Variants in USP32 observed in about 807,000 individuals in gnomAD.
USP32 encodes the protein ubiquitin carboxyl-terminal hydrolase 32.
Under a neutral mutation model 204.8 loss-of-function variants are expected in USP32, and 59 were observed. That is an observed-to-expected ratio of 0.29 (90% CI 0.23 to 0.36). The LOEUF (loss-of-function observed/expected upper bound fraction) is 0.36. Ranked by LOEUF, USP32 falls within the 10% of genes least tolerant of loss-of-function variation. The probability of loss-of-function intolerance (pLI) is 1.00; values close to 1 mark genes in which losing one functional copy is unlikely to be tolerated. For missense variants in USP32, 1,160 were observed against 1,946.4 expected, an observed-to-expected ratio of 0.60 and a Z score of 7.60; for synonymous variants, 517 against 678.4, an observed-to-expected ratio of 0.76 and a Z score of 3.70.
At chr17:60,343,817 C>T (rs904652548) in intron 2 of USP32, among the ~76,000 whole-genome samples, 2 of 152,052 alleles carry the variant, frequency 1.3e-5, no homozygotes, top group East Asian at 1.9e-4. Flanking sequence ...AGGTCACCTG[C>T]GGTCAGGAGT....
At chr17:60,228,627 G>A (rs1408266832) in intron 12 of USP32, among the ~76,000 whole-genome samples, 6 of 150,366 alleles carry the variant, frequency 4.0e-5, no homozygotes, top group African/African-American at 1.5e-4. Flanking sequence ...AGACCAGCCC[G>A]AGCAACGTGG....
chr17:60,394,766 C>T (rs755956052), upstream of USP32, among the ~76,000 whole-genome samples: 5 of 152,006 alleles, frequency 3.3e-5, no homozygotes, highest in South Asian at 4.1e-4. Context: ...TTTTTTGAGA[C>T]GGAGTCTTGC....
intron 2 of USP32, among the ~76,000 whole-genome samples, chr17:60,331,028 A>G (rs2088370252): frequency 6.6e-6 from 1 of 152,198 alleles, no homozygotes; most frequent in Non-Finnish European, 1.5e-5. Flanking sequence ...AAGTTTTGGA[A>G]GTTCTTTTGT....
At chr17:60,204,307 T>C (rs1454233702) in intron 26 of USP32, among the ~76,000 whole-genome samples, 1 of 152,072 alleles carries the variant, frequency 6.6e-6, no homozygotes, top group African/African-American at 2.4e-5. Flanking sequence ...TTTGTGTGTG[T>C]TGGTTTTTGT....
rs557035072 is a variant in USP32, at chr17:60,237,386, G to C, written c.1137-1146C>G. Among the ~76,000 whole-genome samples, 41 of 151,230 alleles carry C rather than the reference G, an allele frequency of 2.7e-4. No homozygotes were observed. The South Asian group carries it at 8.6e-3, about 32-fold the overall frequency. On this transcript the variant is annotated intron_variant, in intron 11 of 33. Transcript: ENST00000300896. ...GGTCTTGAACTCCCAAAAGTGTTGGGATTACAGACATGAGCCACTGTGCCC... is the reference window on the plus strand; with the variant it reads ...GGTCTTGAACTCCCAAAAGTGTTGGCATTACAGACATGAGCCACTGTGCCC...
chr17:60,301,665 G>A lies in USP32; in HGVS notation c.226C>T (p.His76Tyr), dbSNP rs7208980. 1.2e-4 allele frequency: 197 copies of A among 1,601,638 alleles called. No homozygotes were observed. The African/African-American group carries it at 2.4e-3, about 20-fold the overall frequency. Residue 76 changes from histidine (H) to tyrosine (Y), a missense_variant, in exon 3 of 34, where the codon CAC (histidine) becomes TAC (tyrosine). By Grantham distance (83) the His-to-Tyr change is moderately conservative. Around this residue, in one of 8 missense-constraint regions of USP32, gnomAD observed 536 missense variants for 680.9 expected, o/e 0.79. Transcript: ENST00000300896. Reference protein sequence around the residue: ...CSFGGTSKGLHFNNLIVGLVL... With the variant: ...CSFGGTSKGLYFNNLIVGLVL... Reference sequence around the variant, plus strand: ...AGTCCAACTATTAAATTATTGAAGTGCAGCCCTTTGGATGTTCCACCAAAA... The same window carrying A: ...AGTCCAACTATTAAATTATTGAAGTACAGCCCTTTGGATGTTCCACCAAAA...
rs1478301599 is a variant in USP32 at position 60,211,282 on chromosome 17, T to G, written c.2318+94A>C. ...TAAATAGGGCAAATAAGATAAAATC[T>G]TTCTCCCACAGGGTGAAAAAAGAGG... On this transcript the variant is annotated intron_variant, in intron 20 of 33. Transcript: ENST00000300896. 3 of 1,526,250 alleles carry G rather than the reference T, an allele frequency of 2.0e-6. No individual in the cohort carries two copies. In the Admixed American group the frequency reaches 6.6e-5, roughly 34 times the overall value. 94.5% of individuals were successfully genotyped at this position (1,526,250 alleles called of 1,614,324 possible).
chr17:60,291,537 A>ATGTG (rs58874239), intron 4 of USP32, among the ~76,000 whole-genome samples: 3,479 of 145,322 alleles, frequency 0.024, 42 homozygotes, highest in Non-Finnish European at 0.028. Flanking sequence ...CTGTGTGTGT[A>ATGTG]TGTGTGTGTG....
chr17:60,328,975 A>G (rs943126668), intron 2 of USP32, among the ~76,000 whole-genome samples: 4 of 152,142 alleles, frequency 2.6e-5, no homozygotes, highest in African/African-American at 9.7e-5. Flanking sequence ...GAGGCATGAG[A>G]TCCAGGCTGG....
chr17:60,196,442 T>C (rs1251982528), intron 27 of USP32, among the ~76,000 whole-genome samples: 1 of 152,220 alleles, frequency 6.6e-6, no homozygotes, highest in Non-Finnish European at 1.5e-5. Flanking sequence ...ACAACATTCA[T>C]TAACTAAACT....
At chr17:60,311,412 TCC>T (rs2087850167) in intron 2 of USP32, among the ~76,000 whole-genome samples, 1 of 152,220 alleles carries the variant, frequency 6.6e-6, no homozygotes, top group Non-Finnish European at 1.5e-5. Flanking sequence ...AATGATGTCA[TCC>T]CAGTAAATAA....
At chr17:60,190,823 C>A in intron 28 of USP32, 140 bp from the exon 29 acceptor site, 2 of 1,217,486 alleles carry the variant, frequency 1.6e-6, no homozygotes, top group Non-Finnish European at 2.2e-6. Flanking sequence ...TAACTTCAGA[C>A]TCTGATAAAT....
At chr17:60,207,280 G>T in intron 24 of USP32, 148 bp from the exon 25 acceptor site, 1 of 1,330,024 alleles carries the variant, frequency 7.5e-7, no homozygotes, top group Non-Finnish European at 1.0e-6. Flanking sequence ...CTACATAAAG[G>T]ATGAATGCTT....
chr17:60,372,222 CAAGG>C (rs1354070540), intron 1 of USP32, among the ~76,000 whole-genome samples: 1 of 152,096 alleles, frequency 6.6e-6, no homozygotes, highest in East Asian at 1.9e-4. Flanking sequence ...AGGAAAATGC[CAAGG>C]AAAATTAAGG....
intron 1 of USP32, among the ~76,000 whole-genome samples, chr17:60,409,693 C>G (rs530731661): frequency 2.6e-5 from 4 of 152,298 alleles, no homozygotes; most frequent in African/African-American, 9.6e-5. Flanking sequence ...CATTTCCCAG[C>G]ATAGGCCAAA....
chr17:60,196,021 C>T (rs764921114), intron 27 of USP32, among the ~76,000 whole-genome samples: 2 of 152,206 alleles, frequency 1.3e-5, no homozygotes, highest in African/African-American at 2.4e-5. Context: ...CCTGTAATCC[C>T]ACCACTTTGG....
At chr17:60,369,414 A>AC (rs1276483992) in intron 1 of USP32, among the ~76,000 whole-genome samples, 3 of 132,960 alleles carry the variant, frequency 2.3e-5, no homozygotes, top group African/African-American at 9.9e-5. Context: ...ACATAGCAAG[A>AC]CCCCTACCTA....
chr17:60,179,236 A>G lies in USP32; in HGVS notation c.*19T>C. On this transcript the variant is annotated 3_prime_UTR_variant, in exon 34 of 34. Coordinates refer to ENST00000300896, the MANE Select transcript of USP32 (RefSeq NM_032582.4). ...CATCTCCCTCACCGCCAAGCTGTCTAGCAGCCAGAGTGGTAGCTTTACTGT... is the reference window on the plus strand; with the variant it reads ...CATCTCCCTCACCGCCAAGCTGTCTGGCAGCCAGAGTGGTAGCTTTACTGT... 1 of 1,609,294 alleles carries G rather than the reference A, an allele frequency of 6.2e-7. No homozygotes were observed. The highest frequency in any genetic ancestry group is 8.5e-7 in the Non-Finnish European group (1 of 1,176,416).
intron 1 of USP32, among the ~76,000 whole-genome samples, chr17:60,365,886 C>G (rs1392235786): frequency 1.3e-5 from 2 of 152,162 alleles, no homozygotes; most frequent in Non-Finnish European, 2.9e-5. Flanking sequence ...CAACTCCAAA[C>G]TGACATGAGA....
Sources: allele counts gnomAD v4.1 joint callset (sites outside exome capture counted in the v4.1 genomes callset), GRCh38; gene constraint gnomAD v4.1.1; regional missense constraint gnomAD v4.1.1; transcripts MANE v1.5; gene names NCBI Gene and HGNC (gene_info 2026-07-23, HGNC 2026-07-21).